The following MAP3K20 variants were observed in gnomAD, a reference collection of about 807,000 sequenced individuals.
MAP3K20 encodes mitogen-activated protein kinase kinase kinase 20, also known as HCCS-4.
Under a neutral mutation model 85.7 loss-of-function variants are expected in MAP3K20, and 40 were observed. The ratio of observed to expected loss-of-function variants is 0.47; its 90% CI spans 0.36 to 0.61. The LOEUF (loss-of-function observed/expected upper bound fraction) is 0.61. MAP3K20 is among the 20% of genes least tolerant of loss of function. MAP3K20 has a pLI of 0.00. For missense variants in MAP3K20, 817 were observed against 961.7 expected, an observed-to-expected ratio of 0.85 and a Z score of 1.99; for synonymous variants, 325 against 327.7, an observed-to-expected ratio of 0.99 and a Z score of 0.09.
chr2:173,096,152 C>G (rs147942576), intron 2 of MAP3K20, among the ~76,000 whole-genome samples: 1 of 152,134 alleles, frequency 6.6e-6, no homozygotes, highest in East Asian at 1.9e-4. Context: ...TCCTTAAACA[C>G]TTCATCCTGT....
chr2:173,217,804 G>A (rs564545158), intron 11 of MAP3K20, among the ~76,000 whole-genome samples: 2 of 152,260 alleles, frequency 1.3e-5, no homozygotes, highest in African/African-American at 4.8e-5. Flanking sequence ...CTCTGGACAA[G>A]CTTTCAGTAT....
At chr2:173,227,229 G>A (rs1231671373) in intron 11 of MAP3K20, 40 of 762,944 alleles carry the variant, frequency 5.2e-5, no homozygotes, top group South Asian at 6.0e-5. Context: ...GTTGTCACAC[G>A]CATGCAAACA....
In MAP3K20 at chr2:173,198,096, T is replaced by C. The variant is rs1559274033; in HGVS notation, c.653T>C (p.Val218Ala). 2 of 1,612,968 alleles carry C rather than the reference T, an allele frequency of 1.2e-6. No homozygotes were observed. Residue 218 changes from valine (V) to alanine (A), a missense_variant, in exon 8 of 20, where the codon GTA becomes GCA. Val to Ala is a moderately conservative substitution (Grantham distance 64, BLOSUM62 0). Transcript: ENST00000375213. This position sits in a 1 kb window ranked among gnomAD's most constrained non-coding sequence, Gnocchi z 5.8. ...GAAGGATTACAAGTAGCTTGGCTTG[T>C]AGTGGAAAAAAACGAGGTAAGACTA... ...GLEGLQVAWL[V>A]VEKNERLTIP...
chr2:173,127,659 AT>A (rs1434653984), intron 2 of MAP3K20, among the ~76,000 whole-genome samples: 5 of 152,166 alleles, frequency 3.3e-5, no homozygotes, highest in Non-Finnish European at 7.3e-5. Context: ...GGGTGTGGGA[AT>A]TGGAAATAAG....
At position 173,266,649 on chromosome 2, in the gene MAP3K20, T is replaced by C; in HGVS notation, c.2302T>C (p.Trp768Arg). The change falls in exon 20 of 20, where the codon TGG becomes CGG. Residue 768 changes from tryptophan to arginine, a missense_variant. Coordinates refer to ENST00000375213, the MANE Select transcript of MAP3K20 (RefSeq NM_016653.3). ...EEDSKVSEGGWTKVEYRKKPH... is the reference protein window; with the variant it reads ...EEDSKVSEGGRTKVEYRKKPH... The stretch of plus-strand genomic sequence containing the variant: ...GGACAGCAAAGTCAGCGAAGGGGGC[T>C]GGACAAAAGTGGAATACCGGAAAAA... 6.2e-7 allele frequency: 1 copy of C among 1,613,206 alleles called. No homozygotes were observed.
At position 173,242,179 on chromosome 2, in the gene MAP3K20, T is replaced by C. The variant is rs891907293; in HGVS notation, c.1359+2683T>C. ...GAGATCTCAACCAAGAAAAAAAAATTTTTTTTTTTTTTTGAGACGGAGTTT... is the reference window on the plus strand; with the variant it reads ...GAGATCTCAACCAAGAAAAAAAAATCTTTTTTTTTTTTTGAGACGGAGTTT... On this transcript the variant is annotated intron_variant, in intron 16 of 19. Coordinates refer to ENST00000375213, the MANE Select transcript of MAP3K20 (RefSeq NM_016653.3). Among the ~76,000 whole-genome samples the C allele has an allele frequency of 2.3e-4, 35 of 149,630 alleles. No individual in the cohort carries two copies. In the East Asian group the frequency reaches 5.5e-3, roughly 23 times the overall value.
Position 173,182,961 on chromosome 2 carries a change from A to C in MAP3K20, c.349+6A>C. 1 of 1,595,622 alleles carries C rather than the reference A, an allele frequency of 6.3e-7. No individual in the cohort carries two copies. The highest frequency in any genetic ancestry group is 8.6e-7 in the Non-Finnish European group (1 of 1,169,132). On this transcript the variant is annotated splice_donor_region_variant and intron_variant, in intron 4 of 19. Coordinates refer to ENST00000375213, the MANE Select transcript of MAP3K20 (RefSeq NM_016653.3). The stretch of plus-strand genomic sequence containing the variant: ...GGCCACTGATGTAGCCAAAGGTAAT[A>C]ATATTTGGTATATTCTTATAGAATT...
At chr2:173,157,618 G>C (rs1305994423) in intron 2 of MAP3K20, among the ~76,000 whole-genome samples, 3 of 152,192 alleles carry the variant, frequency 2.0e-5, no homozygotes, top group Admixed American at 6.5e-5. Flanking sequence ...TTTCACTGGA[G>C]AGTAATATTA....
intron 11 of MAP3K20, among the ~76,000 whole-genome samples, chr2:173,220,805 T>C (rs995264565): frequency 6.6e-6 from 1 of 152,228 alleles, no homozygotes; most frequent in African/African-American, 2.4e-5. Flanking sequence ...AAATGTTTCC[T>C]TATGAAAGTG....
At chr2:173,162,886 G>A (rs1246528285) in intron 2 of MAP3K20, among the ~76,000 whole-genome samples, 1 of 152,136 alleles carries the variant, frequency 6.6e-6, no homozygotes, top group East Asian at 1.9e-4. Flanking sequence ...GCTAGGTGGA[G>A]GGAAGTAGCT....
chr2:173,249,278 C>G (rs1684990426), intron 16 of MAP3K20, among the ~76,000 whole-genome samples: 1 of 152,144 alleles, frequency 6.6e-6, no homozygotes, highest in Admixed American at 6.5e-5. Context: ...CAGCTAGAGA[C>G]CTCAGTACTC....
chr2:173,134,609 T>C (rs1688747350), intron 2 of MAP3K20, among the ~76,000 whole-genome samples: 1 of 149,758 alleles, frequency 6.7e-6, no homozygotes, highest in Non-Finnish European at 1.5e-5. Flanking sequence ...AGAGGTTGCT[T>C]TACTTTAACG....
At chr2:173,077,520 G>C (rs1016419146) in intron 1 of MAP3K20, among the ~76,000 whole-genome samples, 1 of 152,152 alleles carries the variant, frequency 6.6e-6, no homozygotes, top group African/African-American at 2.4e-5. Flanking sequence ...TGGGAAAACA[G>C]AATTAAGATA....
At chr2:173,100,593 G>A (rs1326619995) in intron 2 of MAP3K20, among the ~76,000 whole-genome samples, 1 of 151,930 alleles carries the variant, frequency 6.6e-6, no homozygotes, top group Non-Finnish European at 1.5e-5. Context: ...TAGAACTCGT[G>A]TCTTTACCAT....
In MAP3K20 at chr2:173,134,417, TATA is replaced by T. The variant is rs1212011726; in HGVS notation, c.160-35387_160-35385del. 5.5e-3 allele frequency among the ~76,000 whole-genome samples: 110 copies of T among 19,910 alleles called. 3 individuals are homozygous for T. Among genetic ancestry groups the T allele is most frequent in the Non-Finnish European group, 8.1e-3 (79 of 9,712 alleles). 13.1% of individuals were successfully genotyped at this position (19,910 alleles called of 152,430 possible). A position where few individuals can be genotyped will look rare whatever the true frequency, so the allele number is the denominator to read the frequency against. On this transcript the variant is annotated intron_variant, in intron 2 of 19. Transcript: ENST00000375213. Reference sequence around the variant, plus strand: ...ACATATATATATATATATATATATATATATATATATATTTTTTTTTTTTTTTTT... The same window carrying T: ...ACATATATATATATATATATATATATTATATATATTTTTTTTTTTTTTTTT...
intron 3 of MAP3K20, among the ~76,000 whole-genome samples, chr2:173,181,269 C>T (rs1690317463): frequency 6.6e-6 from 1 of 152,026 alleles, no homozygotes; most frequent in South Asian, 2.1e-4. Context: ...GTAATCCCAG[C>T]TACTTGTGAG....
At chr2:173,190,832 CAGT>C (rs1690625274) in intron 5 of MAP3K20, 60 bp from the exon 6 acceptor site, 8 of 1,390,466 alleles carry the variant, frequency 5.8e-6, no homozygotes, top group Non-Finnish European at 7.9e-6. Flanking sequence ...TGGTTTTTTT[CAGT>C]AGAAGACAGC....
At chr2:173,121,603 G>A (rs1315991159) in intron 2 of MAP3K20, among the ~76,000 whole-genome samples, 3 of 152,016 alleles carry the variant, frequency 2.0e-5, no homozygotes, top group Non-Finnish European at 2.9e-5. Context: ...TAGCCAGGAT[G>A]GTCTCAATCT....
chr2:173,225,918 AAAG>A, intron 11 of MAP3K20: 1 of 985,082 alleles, frequency 1.0e-6, no homozygotes, highest in Non-Finnish European at 1.2e-6. Flanking sequence ...TAAAAAAAAA[AAAG>A]AAAAAAAACT....
Sources: allele counts gnomAD v4.1 joint callset (sites outside exome capture counted in the v4.1 genomes callset), GRCh38; gene constraint gnomAD v4.1.1; non-coding constraint Gnocchi (gnomAD v3.1); transcripts MANE v1.5; gene names NCBI Gene and HGNC (gene_info 2026-07-23, HGNC 2026-07-21).